The following CHEK1 variants were observed in gnomAD, a reference collection of about 807,000 sequenced individuals.
CHEK1 encodes checkpoint kinase 1.
In CHEK1, 32 loss-of-function variants were observed where a neutral mutation model predicts 60.2. The ratio of observed to expected loss-of-function variants is 0.53; its 90% CI spans 0.40 to 0.71. The LOEUF is 0.71. CHEK1 is among the 30% of genes least tolerant of loss of function. The pLI is 0.00. For synonymous variants in CHEK1, 179 were observed against 187.2 expected (o/e 0.96, Z 0.36); for missense variants, 399 against 564.6 (o/e 0.71, Z 2.97).
chr11:125,634,500 G>GT lies in CHEK1; in HGVS notation c.614-921dup, dbSNP rs201651434. ...ACCACACCTGGCTAATTTGTTGTGGGTTTTTTTTCACAGACGGTCTCTCCA... is the reference window on the plus strand; with the variant it reads ...ACCACACCTGGCTAATTTGTTGTGGGTTTTTTTTTCACAGACGGTCTCTCCA... On this transcript the variant is annotated intron_variant, in intron 6 of 12. Transcript: ENST00000438015. Among the ~76,000 whole-genome samples, 688 of 150,950 alleles carry GT rather than the reference G, an allele frequency of 4.6e-3. 6 individuals carry two copies. Among genetic ancestry groups the GT allele is most frequent in the African/African-American group, 0.015 (635 of 41,096 alleles).
intron 13 of CHEK1, among the ~76,000 whole-genome samples, chr11:125,667,526 T>A (rs1276207235): frequency 1.3e-5 from 2 of 152,190 alleles, no homozygotes; most frequent in Non-Finnish European, 2.9e-5. Flanking sequence ...ATGTATGGAC[T>A]CATATCATCA....
At chr11:125,680,309 C>T (rs893136103), downstream of CHEK1, among the ~76,000 whole-genome samples, 1 of 152,140 alleles carries the variant, frequency 6.6e-6, no homozygotes, top group Non-Finnish European at 1.5e-5. Flanking sequence ...TGGCCTATAG[C>T]TCTGTCGTGT....
At chr11:125,659,720 C>T (rs1941978615), downstream of CHEK1, among the ~76,000 whole-genome samples, 1 of 152,106 alleles carries the variant, frequency 6.6e-6, no homozygotes, top group African/African-American at 2.4e-5. Flanking sequence ...GCTTAAAATT[C>T]ACTTTTTAAA....
intron 11 of CHEK1, among the ~76,000 whole-genome samples, chr11:125,652,158 A>C (rs1299034003): frequency 6.6e-6 from 1 of 152,182 alleles, no homozygotes; most frequent in Non-Finnish European, 1.5e-5. Flanking sequence ...TTTTTGGGCA[A>C]ATCTGCTGAT....
intron 12 of CHEK1, among the ~76,000 whole-genome samples, chr11:125,654,340 G>A (rs115643922): frequency 0.079 from 11,992 of 151,900 alleles, 567 homozygotes; most frequent in African/African-American, 0.13. Flanking sequence ...TCAAAAAAAA[G>A]AAATTTCTGC....
chr11:125,671,253 A>G (rs983754364), intron 13 of CHEK1, among the ~76,000 whole-genome samples: 4 of 152,080 alleles, frequency 2.6e-5, no homozygotes, highest in African/African-American at 9.7e-5. Flanking sequence ...TACCTAGTAG[A>G]CTATTATTTA....
At chr11:125,637,083 CTG>C (rs1350857102) in intron 7 of CHEK1, among the ~76,000 whole-genome samples, 5 of 152,184 alleles carry the variant, frequency 3.3e-5, no homozygotes, top group Admixed American at 1.3e-4. Context: ...CATTATAAAA[CTG>C]TGTGAATAAG....
chr11:125,644,767 G>A, intron 11 of CHEK1, 124 bp downstream of exon 11: 1 of 1,100,832 alleles, frequency 9.1e-7, no homozygotes. Flanking sequence ...CCAGCTTTTT[G>A]GGAGGCTGGG....
In CHEK1 at chr11:125,625,906, T is replaced by C. The variant is rs1940572754; in HGVS notation, c.-127T>C. On this transcript the variant is annotated 5_prime_UTR_variant, in exon 1 of 13. Transcript: ENST00000438015. ...CAGGACACGGGAACGCGCGCTGTCT[T>C]GCTTTACGGCGCGGGTGCGCGAGTT... 3 of 702,654 alleles carry C rather than the reference T, an allele frequency of 4.3e-6. No individual in the cohort carries two copies. The highest frequency in any genetic ancestry group is 2.7e-5 in the East Asian group (1 of 37,288). 43.5% of individuals were successfully genotyped at this position (702,654 alleles called of 1,614,324 possible). A position where few individuals can be genotyped will look rare whatever the true frequency, so the allele number is the denominator to read the frequency against.
chr11:125,645,480 C>T (rs541143941), intron 11 of CHEK1, among the ~76,000 whole-genome samples: 1 of 151,946 alleles, frequency 6.6e-6, no homozygotes, highest in Non-Finnish European at 1.5e-5. Flanking sequence ...CTAAAGAGGC[C>T]TGATAACTAA....
At chr11:125,660,055 C>T (rs531361341), downstream of CHEK1, among the ~76,000 whole-genome samples, 11 of 151,942 alleles carry the variant, frequency 7.2e-5, no homozygotes, top group East Asian at 9.6e-4. Flanking sequence ...TTTTCGTGTG[C>T]GTGTGTGTGT....
chr11:125,645,618 C>T (rs960912398), intron 11 of CHEK1, among the ~76,000 whole-genome samples: 8 of 152,014 alleles, frequency 5.3e-5, no homozygotes, highest in South Asian at 4.2e-4. Flanking sequence ...TTTGTATCAG[C>T]GTCAGATTTC....
At chr11:125,664,046 A>G (rs778154687) in intron 13 of CHEK1, among the ~76,000 whole-genome samples, 6 of 152,026 alleles carry the variant, frequency 3.9e-5, no homozygotes, top group Non-Finnish European at 5.9e-5. Flanking sequence ...ATTCTGTTCC[A>G]CAAGTCTATG....
downstream of CHEK1, among the ~76,000 whole-genome samples, chr11:125,659,562 CT>C (rs1369752723): frequency 6.6e-6 from 1 of 151,840 alleles, no homozygotes; most frequent in Non-Finnish European, 1.5e-5. Flanking sequence ...ATTGTTATGA[CT>C]TTTTTCTATA....
intron 11 of CHEK1, chr11:125,649,964 ATG>A (rs1021873142): frequency 6.6e-6 from 1 of 152,048 alleles, no homozygotes; most frequent in Non-Finnish European, 1.5e-5. Flanking sequence ...GATCTCTTTT[ATG>A]TGAGACGTTG....
At chr11:125,643,930 G>A (rs984387709) in intron 9 of CHEK1, 30 bp downstream of exon 9, 4 of 1,581,442 alleles carry the variant, frequency 2.5e-6, no homozygotes, top group East Asian at 2.2e-5. Context: ...AGTAGTTTTT[G>A]ATTGTAGTAT....
Position 125,625,727 on chromosome 11 carries a change from C to A in CHEK1, c.-306C>A. 1 of 661,170 alleles carries A rather than the reference C, an allele frequency of 1.5e-6. No homozygotes were observed. 41.0% of individuals were successfully genotyped at this position (661,170 alleles called of 1,614,324 possible). ...CAGTCGAGCCTCACACCGGATGCCA[C>A]TTCATATTTGGGCCCAGAGCTCAAT... On this transcript the variant is annotated 5_prime_UTR_variant, in exon 1 of 13. Coordinates refer to ENST00000438015, the MANE Select transcript of CHEK1 (RefSeq NM_001114122.3).
chr11:125,636,975 A>G lies in CHEK1; in HGVS notation c.719-474A>G, dbSNP rs3731419. 1.0e-3 allele frequency among the ~76,000 whole-genome samples: 154 copies of G among 152,272 alleles called. 1 individual carries two copies. The East Asian group carries it at 0.029, about 29-fold the overall frequency. On this transcript the variant is annotated intron_variant, in intron 7 of 12. Coordinates refer to ENST00000438015, the MANE Select transcript of CHEK1 (RefSeq NM_001114122.3). ...TGGTCCATTAGGAAATAATCTTCAC[A>G]TAGGAAGATACGTGAATTTTTTCTC...
intron 5 of CHEK1, among the ~76,000 whole-genome samples, chr11:125,632,001 T>TGA (rs1438215349): frequency 1.4e-4 from 21 of 152,190 alleles, no homozygotes; most frequent in African/African-American, 4.3e-4. Context: ...TTTTGAGACA[T>TGA]TTAAGTTGTT....
Sources: allele counts gnomAD v4.1 joint callset (sites outside exome capture counted in the v4.1 genomes callset), GRCh38; gene constraint gnomAD v4.1.1; transcripts MANE v1.5; gene names NCBI Gene and HGNC (gene_info 2026-07-23, HGNC 2026-07-21).